CSNK1G1: variants seen among roughly 807,000 people sequenced by gnomAD.
CSNK1G1 encodes casein kinase 1 gamma 1.
CSNK1G1 carries 22 observed loss-of-function variants against 59.6 expected under a neutral mutation model. The observed-to-expected ratio is 0.37, with a 90% CI of 0.26 to 0.53. CSNK1G1 has a LOEUF of 0.53. Ranked by LOEUF, CSNK1G1 falls within the 20% of genes least tolerant of loss-of-function variation. The pLI, the probability that CSNK1G1 is intolerant of heterozygous loss-of-function variation, is 0.89. For missense variants in CSNK1G1, 384 were observed against 519.5 expected, an observed-to-expected ratio of 0.74 and a Z score of 2.54; for synonymous variants, 179 against 177.1, an observed-to-expected ratio of 1.01 and a Z score of -0.08.
At chr15:64,206,247 C>T (rs988907616) in intron 7 of CSNK1G1, among the ~76,000 whole-genome samples, 1 of 152,148 alleles carries the variant, frequency 6.6e-6, no homozygotes, top group African/African-American at 2.4e-5. Context: ...TGAGACCAGT[C>T]TGGCCAATAT....
intron 4 of CSNK1G1, among the ~76,000 whole-genome samples, chr15:64,250,195 T>G (rs1411192712): frequency 6.6e-6 from 1 of 152,168 alleles, no homozygotes; most frequent in African/African-American, 2.4e-5. Flanking sequence ...TGAACTCAGT[T>G]GCCAGTCTTA....
chr15:64,333,644 G>A (rs979902458), intron 1 of CSNK1G1, among the ~76,000 whole-genome samples: 4 of 151,886 alleles, frequency 2.6e-5, no homozygotes, highest in Admixed American at 6.6e-5. Context: ...GGTACAAATT[G>A]GCAAAATGGA....
intron 10 of CSNK1G1, chr15:64,189,387 T>C (rs1446780913): frequency 1.6e-6 from 2 of 1,269,982 alleles, no homozygotes; most frequent in African/African-American, 3.1e-5. Context: ...ATATGTGACT[T>C]TTGTCCAGAA....
intron 10 of CSNK1G1, among the ~76,000 whole-genome samples, chr15:64,191,082 G>A (rs1256293049): frequency 6.6e-6 from 1 of 152,072 alleles, no homozygotes; most frequent in Non-Finnish European, 1.5e-5. Flanking sequence ...GTGTTTTTGA[G>A]ATGGAGTCTT....
At chr15:64,304,683 T>C (rs1049610865) in intron 1 of CSNK1G1, among the ~76,000 whole-genome samples, 12 of 152,232 alleles carry the variant, frequency 7.9e-5, no homozygotes, top group African/African-American at 2.9e-4. Context: ...TTACTGTTTG[T>C]ATATTTCAGA....
chr15:64,347,055 G>A (rs1898016538), intron 1 of CSNK1G1, among the ~76,000 whole-genome samples: 1 of 152,058 alleles, frequency 6.6e-6, no homozygotes, highest in Admixed American at 6.6e-5. Flanking sequence ...ACAAAAAGAT[G>A]CCCAACATCA....
chr15:64,305,414 TAAAAC>T (rs902094049), intron 1 of CSNK1G1, among the ~76,000 whole-genome samples: 3 of 151,818 alleles, frequency 2.0e-5, no homozygotes, highest in Non-Finnish European at 2.9e-5. Context: ...GCATTTAAGC[TAAAAC>T]AAAACAAAAC....
intron 11 of CSNK1G1, among the ~76,000 whole-genome samples, chr15:64,179,596 A>G (rs2081784422): frequency 6.6e-6 from 1 of 152,144 alleles, no homozygotes; most frequent in Admixed American, 6.5e-5. Flanking sequence ...CTTGAAGTCT[A>G]AATCTGGATC....
chr15:64,226,539 A>G (rs1239707740), intron 4 of CSNK1G1, among the ~76,000 whole-genome samples: 1 of 150,436 alleles, frequency 6.6e-6, no homozygotes, highest in Non-Finnish European at 1.5e-5. Context: ...CCAGTGACAG[A>G]GCAAGATTCC....
intron 1 of CSNK1G1, among the ~76,000 whole-genome samples, chr15:64,310,147 C>G (rs959229789): frequency 6.6e-6 from 1 of 152,000 alleles, no homozygotes; most frequent in Non-Finnish European, 1.5e-5. Context: ...TGTTTTAAAT[C>G]CAACTCTAAG....
chr15:64,269,914 C>G (rs903823986), intron 2 of CSNK1G1, among the ~76,000 whole-genome samples: 3 of 152,176 alleles, frequency 2.0e-5, no homozygotes, highest in Admixed American at 1.3e-4. Context: ...AGTGATTCTC[C>G]CACCTCAGCC....
At position 64,301,473 on chromosome 15, in the gene CSNK1G1, T is replaced by C. The variant is rs146863058; in HGVS notation, c.-224-750A>G. On this transcript the variant is annotated intron_variant, in intron 1 of 11. Transcript: ENST00000303052. The stretch of plus-strand genomic sequence containing the variant: ...CACAAATGTTTGCAATGAGATAATT[T>C]TGATGCTATATTTGATTATCCATGT... 4.1e-4 allele frequency among the ~76,000 whole-genome samples: 63 copies of C among 152,290 alleles called. 1 individual carries two copies. The East Asian group carries it at 9.8e-3, about 24-fold the overall frequency.
chr15:64,259,045 T>C, intron 3 of CSNK1G1, 156 bp downstream of exon 3: 1 of 602,642 alleles, frequency 1.7e-6, no homozygotes, highest in Non-Finnish European at 2.9e-6. Flanking sequence ...TTCATCACTG[T>C]TAACACTATA....
At chr15:64,232,682 C>T (rs2082564182) in intron 4 of CSNK1G1, among the ~76,000 whole-genome samples, 1 of 152,136 alleles carries the variant, frequency 6.6e-6, no homozygotes, top group Admixed American at 6.5e-5. Flanking sequence ...ACTGAGCTTA[C>T]TTCTAGTCCT....
chr15:64,187,908 C>T (rs1396854614), intron 10 of CSNK1G1, among the ~76,000 whole-genome samples: 1 of 152,220 alleles, frequency 6.6e-6, no homozygotes, highest in African/African-American at 2.4e-5. Context: ...AACAGCCCAA[C>T]TTCCTGGGTA....
chr15:64,228,140 C>G (rs1429599360), intron 4 of CSNK1G1, among the ~76,000 whole-genome samples: 1 of 152,266 alleles, frequency 6.6e-6, no homozygotes, highest in Middle Eastern at 3.4e-3. Flanking sequence ...ATCAGCTCCA[C>G]AAACACTATC....
intron 4 of CSNK1G1, among the ~76,000 whole-genome samples, chr15:64,248,938 G>C (rs1409633375): frequency 1.3e-5 from 2 of 152,132 alleles, no homozygotes; most frequent in Admixed American, 1.3e-4. Flanking sequence ...GGCTAACATG[G>C]TGAAACCCCG....
rs146320357 is a variant in CSNK1G1, at chr15:64,339,502, A to G, written c.-225+16486T>C. Among the ~76,000 whole-genome samples the G allele has an allele frequency of 6.9e-3, 1,050 of 152,212 alleles. 11 individuals carry two copies. Among genetic ancestry groups the G allele is most frequent in the African/African-American group, 0.017 (706 of 41,544 alleles). On this transcript the variant is annotated intron_variant, in intron 1 of 11. Transcript: ENST00000303052. ...TAATTTCTGTATTTTTAGTAGAGAC[A>G]GGGATTCGCCATGTTGGCCCAGCTG...
At chr15:64,257,760 G>A (rs1892464173) in intron 3 of CSNK1G1, among the ~76,000 whole-genome samples, 1 of 152,168 alleles carries the variant, frequency 6.6e-6, no homozygotes. Context: ...CTGGGCTCAA[G>A]CAATCTGCCT....
Sources: gnomAD v4.1 joint callset for allele counts (sites outside exome capture counted in the v4.1 genomes callset) on GRCh38, gnomAD v4.1.1 for gene constraint, MANE v1.5 for transcripts, NCBI Gene and HGNC (gene_info 2026-07-23, HGNC 2026-07-21) for gene names.